Variants in DPYD observed in about 807,000 individuals in gnomAD.
DPYD encodes the protein dihydropyrimidine dehydrogenase [NADP(+)].
In DPYD, 109 loss-of-function variants were observed where a neutral mutation model predicts 116.2. That is an observed-to-expected ratio of 0.94 (90% CI 0.80 to 1.10). The LOEUF is 1.10. Among genes scored for constraint, DPYD ranks in the 50% least tolerant of loss-of-function variants. DPYD has a pLI of 0.00. For synonymous variants in DPYD, 440 were observed against 432.0 expected (o/e 1.02, Z -0.23); for missense variants, 1,302 against 1,254.5 (o/e 1.04, Z -0.57).
chr1:97,772,720 AGAG>A (rs1400265875), intron 3 of DPYD, among the ~76,000 whole-genome samples: 2 of 152,222 alleles, frequency 1.3e-5, no homozygotes, highest in African/African-American at 4.8e-5. Context: ...ACTGGTAAGT[AGAG>A]GAGAATGGAG....
intron 10 of DPYD, among the ~76,000 whole-genome samples, chr1:97,582,205 T>C (rs1188938796): frequency 1.3e-5 from 2 of 152,214 alleles, no homozygotes; most frequent in Admixed American, 1.3e-4. Context: ...GTGATGGAGC[T>C]ACTTACATGA....
intron 2 of DPYD, among the ~76,000 whole-genome samples, chr1:97,850,471 C>G (rs938903175): frequency 2.0e-5 from 3 of 152,122 alleles, no homozygotes; most frequent in African/African-American, 7.2e-5. Flanking sequence ...TACAATGCTT[C>G]TTAATGAACT....
intron 12 of DPYD, among the ~76,000 whole-genome samples, chr1:97,518,936 T>C (rs1368810494): frequency 6.6e-6 from 1 of 152,160 alleles, no homozygotes; most frequent in East Asian, 1.9e-4. Flanking sequence ...CACATATATC[T>C]ATTTTGCTGT....
At chr1:97,226,766 G>T (rs1343084345) in intron 19 of DPYD, among the ~76,000 whole-genome samples, 1 of 152,066 alleles carries the variant, frequency 6.6e-6, no homozygotes, top group African/African-American at 2.4e-5. Context: ...TCAAGGACTG[G>T]AAGAATCAAT....
At chr1:97,178,299 T>C (rs767544444) in intron 20 of DPYD, among the ~76,000 whole-genome samples, 4 of 152,106 alleles carry the variant, frequency 2.6e-5, no homozygotes, top group Non-Finnish European at 4.4e-5. Context: ...ATGAGTGTAT[T>C]AGTCCATTCT....
At chr1:97,687,172 C>T (rs1051288914) in intron 7 of DPYD, among the ~76,000 whole-genome samples, 6 of 151,920 alleles carry the variant, frequency 3.9e-5, no homozygotes, top group South Asian at 2.1e-4. Context: ...TTGGGACACT[C>T]GGGCAGGAAA....
intron 20 of DPYD, among the ~76,000 whole-genome samples, chr1:97,185,026 A>ATTAAT (rs1657898253): frequency 6.6e-6 from 1 of 152,190 alleles, no homozygotes; most frequent in African/African-American, 2.4e-5. Context: ...GGATTTTTGT[A>ATTAAT]GACGTTTCCT....
intron 20 of DPYD, among the ~76,000 whole-genome samples, chr1:97,162,189 C>T (rs1243017109): frequency 1.3e-5 from 2 of 152,148 alleles, no homozygotes; most frequent in Non-Finnish European, 2.9e-5. Context: ...GTCCCACCAA[C>T]AGTGTAAAAG....
chr1:97,456,739 T>A (rs1676712323), intron 13 of DPYD, among the ~76,000 whole-genome samples: 1 of 152,086 alleles, frequency 6.6e-6, no homozygotes, highest in South Asian at 2.1e-4. Flanking sequence ...ACCAGTAGAT[T>A]TAAATTCACC....
chr1:97,858,033 T>C (rs1397796785), intron 2 of DPYD, among the ~76,000 whole-genome samples: 1 of 151,662 alleles, frequency 6.6e-6, no homozygotes, highest in Non-Finnish European at 1.5e-5. Flanking sequence ...GGTTTGGGAG[T>C]TTTTCTGAAA....
chr1:97,811,153 C>G (rs540354872), intron 3 of DPYD, among the ~76,000 whole-genome samples: 1 of 152,118 alleles, frequency 6.6e-6, no homozygotes, highest in Non-Finnish European at 1.5e-5. Context: ...GTTGAAGACT[C>G]CCCTGTCAAA....
At chr1:97,118,008 T>C (rs1213704679) in intron 20 of DPYD, among the ~76,000 whole-genome samples, 1 of 152,226 alleles carries the variant, frequency 6.6e-6, no homozygotes, top group Admixed American at 6.5e-5. Flanking sequence ...AATTCTCTCC[T>C]GCGTTTGAGG....
chr1:97,407,831 C>T (rs1449162012), intron 14 of DPYD, among the ~76,000 whole-genome samples: 1 of 152,098 alleles, frequency 6.6e-6, no homozygotes, highest in Admixed American at 6.6e-5. Context: ...GGTCTAGAGG[C>T]CTTACTTCCA....
At chr1:97,746,910 T>G (rs1429089851) in intron 3 of DPYD, among the ~76,000 whole-genome samples, 1 of 151,842 alleles carries the variant, frequency 6.6e-6, no homozygotes, top group African/African-American at 2.4e-5. Flanking sequence ...TTTTTGTTTT[T>G]TGGATTTTTT....
chr1:97,077,902 T>C lies in DPYD; in HGVS notation c.*1074A>G, dbSNP rs1461319937. On this transcript the variant is annotated 3_prime_UTR_variant, in exon 23 of 23. Coordinates refer to ENST00000370192, the MANE Select transcript of DPYD (RefSeq NM_000110.4). ...GATTGTTACTTTCTGATTTACTACT[T>C]ATAGATTCATATTGAAGATGCCATG... The C allele has an allele frequency of 8.5e-5, 13 of 152,132 alleles. No individual in the cohort carries two copies. Among genetic ancestry groups the C allele is most frequent in the Admixed American group, 8.5e-4 (13 of 15,256 alleles). The allele number at this position is 152,132 out of a possible 1,614,324, so 9.4% of individuals were successfully genotyped here.
intron 14 of DPYD, among the ~76,000 whole-genome samples, chr1:97,403,288 G>A (rs959249694): frequency 9.2e-5 from 14 of 152,004 alleles, no homozygotes; most frequent in African/African-American, 3.4e-4. Context: ...TGTAAGTCGA[G>A]GAGTGTAGTG....
chr1:97,814,161 G>A (rs934297134), intron 3 of DPYD, among the ~76,000 whole-genome samples: 5 of 152,144 alleles, frequency 3.3e-5, no homozygotes, highest in African/African-American at 1.2e-4. Context: ...GCATGGAAGA[G>A]CCCATGTAAG....
At chr1:97,422,905 C>T (rs765800165) in intron 14 of DPYD, among the ~76,000 whole-genome samples, 1 of 151,962 alleles carries the variant, frequency 6.6e-6, no homozygotes, top group Non-Finnish European at 1.5e-5. Flanking sequence ...CCCTTTCAGG[C>T]AATGTCTCCA....
At chr1:97,688,372 T>C (rs1214246332) in intron 7 of DPYD, among the ~76,000 whole-genome samples, 1 of 152,114 alleles carries the variant, frequency 6.6e-6, no homozygotes, top group East Asian at 1.9e-4. Flanking sequence ...TAGACTTAAA[T>C]TTTTGCTAAT....
Sources: allele counts gnomAD v4.1 joint callset (sites outside exome capture counted in the v4.1 genomes callset), GRCh38; gene constraint gnomAD v4.1.1; transcripts MANE v1.5; gene names NCBI Gene and HGNC (gene_info 2026-07-23, HGNC 2026-07-21).